Variants in ACTR10 observed in about 807,000 individuals in gnomAD.
ACTR10 encodes actin-related protein 10.
In ACTR10, 43 loss-of-function variants were observed where a neutral mutation model predicts 56.2. The ratio of observed to expected loss-of-function variants is 0.77; its 90% confidence interval spans 0.60 to 0.99. ACTR10 has a LOEUF of 0.99. Ranked by LOEUF, ACTR10 falls within the 50% of genes least tolerant of loss-of-function variation. The pLI is 0.00. For missense variants in ACTR10, 466 were observed against 507.8 expected, an observed-to-expected ratio of 0.92 and a Z score of 0.79; for synonymous variants, 170 against 176.3, an observed-to-expected ratio of 0.96 and a Z score of 0.28.
rs2140050098 is a variant in ACTR10, at chr14:58,213,657, T to C, written c.477T>C (p.Asn159=). 1.2e-6 allele frequency: 2 copies of C among 1,612,500 alleles called. No individual in the cohort carries two copies. Among genetic ancestry groups the C allele is most frequent in the South Asian group, 1.1e-5 (1 of 90,958 alleles). Residue 159 remains asparagine (N), a synonymous_variant, in exon 6 of 13, where the codon AAT becomes AAC. Transcript: ENST00000254286. The stretch of plus-strand genomic sequence containing the variant: ...TATATGAAGGAATCCCAGTTCTAAA[T>C]TGTTGGGGAGCACTACCCCTAGGAG... ...LPIYEGIPVL[N]CWGALPLGGK...
At chr14:58,205,463 C>T (rs928026324) in intron 2 of ACTR10, among the ~76,000 whole-genome samples, 28 of 151,158 alleles carry the variant, frequency 1.9e-4, no homozygotes, top group Non-Finnish European at 3.4e-4. Flanking sequence ...TACAGTTGCC[C>T]GCCGCCACGC....
Position 58,213,652 on chromosome 14 carries a change from C to T in ACTR10, c.472C>T (p.Leu158=). ...ATAGATATATGAAGGAATCCCAGTT[C>T]TAAATTGTTGGGGAGCACTACCCCT... is the stretch of plus-strand genomic sequence containing the variant. The part of the protein sequence containing the change: ...VLPIYEGIPV[L]NCWGALPLGG... The change falls in exon 6 of 13, where the codon CTA becomes TTA. Residue 158 remains leucine (L), a synonymous_variant. Transcript: ENST00000254286. 6.2e-7 allele frequency: 1 copy of T among 1,612,152 alleles called. No individual in the cohort carries two copies. Among genetic ancestry groups the T allele is most frequent in the East Asian group, 2.2e-5 (1 of 44,802 alleles).
Position 58,228,842 on chromosome 14 carries a change from C to A in ACTR10, c.789-1557C>A, listed in dbSNP as rs569366640. On this transcript the variant is annotated intron_variant, in intron 10 of 12. Transcript: ENST00000254286. ...TATAGGCATGAGCCATTGCATCTGG[C>A]CAAAGGCTGGTAAATACAATGTTTT... 4.0e-5 allele frequency among the ~76,000 whole-genome samples: 6 copies of A among 151,698 alleles called. No individual in the cohort carries two copies. The East Asian group carries it at 7.8e-4, about 20-fold the overall frequency.
At chr14:58,223,883 G>C (rs767594788) in intron 10 of ACTR10, 27 bp downstream of exon 10, 1 of 1,547,646 alleles carries the variant, frequency 6.5e-7, no homozygotes, top group Non-Finnish European at 8.8e-7. Flanking sequence ...TTACGGCAAA[G>C]TAGTAAACTA....
At chr14:58,207,313 ATTTG>A (rs34912928) in intron 2 of ACTR10, 50 of 143,514 alleles carry the variant, frequency 3.5e-4, no homozygotes, top group African/African-American at 6.6e-4. Context: ...AGTGCTGGAA[ATTTG>A]TTTGTTTGTT....
chr14:58,232,344 A>G, intron 12 of ACTR10, 77 bp downstream of exon 12: 1 of 1,089,990 alleles, frequency 9.2e-7, no homozygotes, highest in Non-Finnish European at 1.3e-6. Flanking sequence ...GATATATTAG[A>G]ATAAATAATT....
chr14:58,209,806 T>G (rs1888951314), intron 4 of ACTR10, among the ~76,000 whole-genome samples: 1 of 152,192 alleles, frequency 6.6e-6, no homozygotes, highest in Non-Finnish European at 1.5e-5. Context: ...CAAGGGAAAA[T>G]GTAAGATTAT....
intron 2 of ACTR10, among the ~76,000 whole-genome samples, chr14:58,207,497 G>A (rs1888896118): frequency 6.6e-6 from 1 of 151,766 alleles, no homozygotes; most frequent in African/African-American, 2.4e-5. Context: ...GCTAATTTTT[G>A]TATTTTAAGT....
rs1171913562 is a variant in ACTR10 at position 58,202,417 on chromosome 14, T to TAAAAA, written c.78-425_78-421dup. On this transcript the variant is annotated intron_variant, in intron 1 of 12. Coordinates refer to ENST00000254286, the MANE Select transcript of ACTR10 (RefSeq NM_018477.3). ...TAACACGGTGAAACCTCGTCTCTAC[T>TAAAAA]AAAAAAAAAAAAAAAAATTAGCCCT... 9.0e-5 allele frequency among the ~76,000 whole-genome samples: 12 copies of TAAAAA among 132,692 alleles called. No individual in the cohort carries two copies. The South Asian group carries it at 2.9e-3, about 32-fold the overall frequency. 87.1% of individuals were successfully genotyped at this position (132,692 alleles called of 152,430 possible). A position where few individuals can be genotyped will look rare whatever the true frequency, so the allele number is the denominator to read the frequency against.
intron 5 of ACTR10, 145 bp from the exon 6 acceptor site, chr14:58,213,484 CTT>C (rs1889052001): frequency 2.1e-6 from 1 of 478,990 alleles, no homozygotes; most frequent in Non-Finnish European, 3.6e-6. Context: ...AAAACTTACT[CTT>C]TGATTTTTCT....
At chr14:58,226,576 TG>T (rs1041103200) in intron 10 of ACTR10, among the ~76,000 whole-genome samples, 6 of 152,082 alleles carry the variant, frequency 3.9e-5, no homozygotes, top group African/African-American at 1.2e-4. Flanking sequence ...TTTTGTGTTT[TG>T]TTTTTTTGTG....
intron 8 of ACTR10, among the ~76,000 whole-genome samples, 177 bp downstream of exon 8, chr14:58,219,906 G>A (rs996713908): frequency 5.3e-5 from 8 of 152,100 alleles, no homozygotes; most frequent in Non-Finnish European, 1.0e-4. Flanking sequence ...CACACTTAGG[G>A]AAGCTGTGGC....
At chr14:58,220,248 T>C (rs908269400) in intron 8 of ACTR10, among the ~76,000 whole-genome samples, 5 of 152,190 alleles carry the variant, frequency 3.3e-5, no homozygotes, top group Non-Finnish European at 4.4e-5. Flanking sequence ...AATATAATCT[T>C]CAATACTTGG....
At chr14:58,231,128 A>G (rs1337214167) in intron 11 of ACTR10, 3 of 317,714 alleles carry the variant, frequency 9.4e-6, no homozygotes, top group South Asian at 7.0e-5. Context: ...ATCTCAGCTC[A>G]GCACAACCTC....
chr14:58,202,697 G>A (rs1477898985), intron 1 of ACTR10, among the ~76,000 whole-genome samples, 158 bp from the exon 2 acceptor site: 2 of 151,962 alleles, frequency 1.3e-5, no homozygotes, highest in Non-Finnish European at 2.9e-5. Context: ...AGTATTATTA[G>A]TTTTGTGGAG....
At chr14:58,201,664 G>T (rs548174239) in intron 1 of ACTR10, among the ~76,000 whole-genome samples, 8 of 152,212 alleles carry the variant, frequency 5.3e-5, no homozygotes, top group African/African-American at 1.9e-4. Flanking sequence ...TTACTAACAT[G>T]AAACAAAAAT....
Position 58,205,242 on chromosome 14 carries a change from CA to C in ACTR10, c.150+2324del, listed in dbSNP as rs565273837. Among the ~76,000 whole-genome samples the C allele has an allele frequency of 2.8e-5, 4 of 145,140 alleles. No individual in the cohort carries two copies. In the East Asian group the frequency reaches 8.0e-4, roughly 29 times the overall value. ...ATCTCAAAAAAAACAAAAACAAAAA[CA>C]AAAAAAAACATGTTATAGCAGAATA... On this transcript the variant is annotated intron_variant, in intron 2 of 12. Transcript: ENST00000254286.
chr14:58,235,224 G>T lies in ACTR10; in HGVS notation c.*673G>T, dbSNP rs933763723. On this transcript the variant is annotated 3_prime_UTR_variant, in exon 13 of 13. Transcript: ENST00000254286. ...AGTTACTCCATTTAAAGCATAAATA[G>T]TGTTAACCATTACCAGTTATTTCAA... 6.6e-6 allele frequency: 1 copy of T among 152,134 alleles called. No homozygotes were observed. Among genetic ancestry groups the T allele is most frequent in the Non-Finnish European group, 1.5e-5 (1 of 68,022 alleles). 9.4% of individuals were successfully genotyped at this position (152,134 alleles called of 1,614,324 possible).
At chr14:58,223,518 G>A in intron 8 of ACTR10, 104 bp from the exon 9 acceptor site, 1 of 853,348 alleles carries the variant, frequency 1.2e-6, no homozygotes, top group Non-Finnish European at 1.8e-6. Flanking sequence ...AGGAATAGAT[G>A]ATGAGCATGT....
Sources: gnomAD v4.1 joint callset for allele counts (sites outside exome capture counted in the v4.1 genomes callset) on GRCh38, gnomAD v4.1.1 for gene constraint, MANE v1.5 for transcripts, NCBI Gene and HGNC (gene_info 2026-07-23, HGNC 2026-07-21) for gene names.